The following TRIO variants were observed in gnomAD, a reference collection of about 807,000 sequenced individuals.
TRIO encodes trio Rho guanine nucleotide exchange factor.
TRIO carries 58 observed loss-of-function variants against 351.9 expected under a neutral mutation model. That is an observed-to-expected ratio of 0.16 (90% CI 0.13 to 0.21). The LOEUF (loss-of-function observed/expected upper bound fraction) is 0.21. Ranked by LOEUF, TRIO falls within the 10% of genes least tolerant of loss-of-function variation. The pLI is 1.00. For synonymous variants in TRIO, 1,758 were observed against 1,595.7 expected (o/e 1.10, Z -2.42); for missense variants, 3,201 against 4,027.8 (o/e 0.79, Z 5.56).
At chr5:14,361,117 AAACAC>A (rs1302520316) in intron 13 of TRIO, among the ~76,000 whole-genome samples, 1 of 152,228 alleles carries the variant, frequency 6.6e-6, no homozygotes, top group Non-Finnish European at 1.5e-5. Context: ...TTCAACTAGA[AAACAC>A]AAACCAACCA....
intron 34 of TRIO, among the ~76,000 whole-genome samples, chr5:14,434,376 C>A (rs991388959): frequency 6.6e-6 from 1 of 151,930 alleles, no homozygotes; most frequent in South Asian, 2.1e-4. Context: ...TTGTCTGATA[C>A]GTTTCTTTTT....
intron 6 of TRIO, among the ~76,000 whole-genome samples, chr5:14,295,477 G>GAC (rs1248958689): frequency 1.3e-5 from 2 of 152,210 alleles, no homozygotes; most frequent in African/African-American, 4.8e-5. Context: ...ATATAAAAGT[G>GAC]ACACAGGAAG....
In TRIO at chr5:14,487,663, C is replaced by T; in HGVS notation, c.7035C>T (p.Val2345=). ...GGCCCTCCCGGATCCCCCAGCCTGT[C>T]CGACACCACCCCCCCGTGCTGGTCT... ...RSRPSRIPQP[V]RHHPPVLVSS... is the part of the protein sequence containing the mutation. Residue 2345 remains valine, a synonymous_variant, in exon 48 of 57, where the codon GTC becomes GTT. Transcript: ENST00000344204. 1.5e-6 allele frequency: 2 copies of T among 1,370,582 alleles called. No homozygotes were observed. The highest frequency in any genetic ancestry group is 9.5e-7 in the Non-Finnish European group (1 of 1,050,366). The allele number at this position is 1,370,582 out of a possible 1,614,324, so 84.9% of individuals were successfully genotyped here.
chr5:14,359,541 C>T lies in TRIO; in HGVS notation c.2391+10C>T, dbSNP rs1579424378. On this transcript the variant is annotated intron_variant, in intron 13 of 56. Transcript: ENST00000344204. Reference sequence around the variant, plus strand: ...GAGGGACGCCATCGACGTGAGTGTCCCGCGGCTGGCGCCTGCCTGCCTGTG... The same window carrying T: ...GAGGGACGCCATCGACGTGAGTGTCTCGCGGCTGGCGCCTGCCTGCCTGTG... 3 of 1,610,534 alleles carry T rather than the reference C, an allele frequency of 1.9e-6. No homozygotes were observed. In the African/African-American group the frequency reaches 4.0e-5, roughly 21 times the overall value.
intron 1 of TRIO, among the ~76,000 whole-genome samples, chr5:14,163,728 A>G (rs928203824): frequency 7.2e-5 from 11 of 152,230 alleles, no homozygotes; most frequent in African/African-American, 2.7e-4. Context: ...CAAATTAACA[A>G]AATCATAATC....
At position 14,144,292 on chromosome 5, in the gene TRIO, G is replaced by T. The variant is rs191797394; in HGVS notation, c.157+410G>T. On this transcript the variant is annotated intron_variant, in intron 1 of 56. Transcript: ENST00000344204. ...AGGCTCTTACCCCGGAGGCCGAGCG[G>T]ACTGAGCCGGGGCCGGTCCGGGACG... 5.5e-3 allele frequency among the ~76,000 whole-genome samples: 831 copies of T among 152,266 alleles called. 5 individuals are homozygous for T. Among genetic ancestry groups the T allele is most frequent in the African/African-American group, 0.019 (786 of 41,544 alleles).
chr5:14,402,238 C>T (rs1204844257), intron 31 of TRIO, among the ~76,000 whole-genome samples: 1 of 152,178 alleles, frequency 6.6e-6, no homozygotes, highest in Non-Finnish European at 1.5e-5. Context: ...AGACTAGCTA[C>T]AGTAGTAGAT....
chr5:14,345,647 GTC>G (rs1742355449), intron 11 of TRIO, among the ~76,000 whole-genome samples: 1 of 152,128 alleles, frequency 6.6e-6, no homozygotes, highest in East Asian at 1.9e-4. Flanking sequence ...TGCAACCTCT[GTC>G]TCTCAGGTTC....
At chr5:14,372,378 G>T (rs1439763951) in intron 18 of TRIO, among the ~76,000 whole-genome samples, 1 of 152,076 alleles carries the variant, frequency 6.6e-6, no homozygotes, top group Non-Finnish European at 1.5e-5. Context: ...TCTGTGATTG[G>T]TAAGAAGATT....
chr5:14,214,259 G>T (rs752831002), intron 1 of TRIO, among the ~76,000 whole-genome samples: 1 of 152,200 alleles, frequency 6.6e-6, no homozygotes, highest in Non-Finnish European at 1.5e-5. Flanking sequence ...TCCATAAGCC[G>T]TGGTGTTCAT....
At chr5:14,157,859 A>G (rs1788209942) in intron 1 of TRIO, among the ~76,000 whole-genome samples, 1 of 152,102 alleles carries the variant, frequency 6.6e-6, no homozygotes, top group Non-Finnish European at 1.5e-5. Flanking sequence ...AAGGCTTGAG[A>G]TTATACACAG....
At chr5:14,375,208 T>C (rs924239533) in intron 19 of TRIO, among the ~76,000 whole-genome samples, 2 of 152,216 alleles carry the variant, frequency 1.3e-5, no homozygotes, top group Non-Finnish European at 2.9e-5. Context: ...TCTGGAAAAA[T>C]GTGCAACTCA....
intron 19 of TRIO, among the ~76,000 whole-genome samples, chr5:14,377,530 G>A (rs1017170210): frequency 3.9e-5 from 6 of 152,160 alleles, no homozygotes; most frequent in South Asian, 4.2e-4. Flanking sequence ...GATTACAGGC[G>A]TGAGCCACCG....
intron 11 of TRIO, among the ~76,000 whole-genome samples, chr5:14,341,403 A>G (rs527875268): frequency 1.3e-5 from 2 of 152,298 alleles, no homozygotes; most frequent in African/African-American, 4.8e-5. Context: ...CATTTTAGAC[A>G]TTTGTTTGTT....
chr5:14,160,409 C>T (rs980604972), intron 1 of TRIO, among the ~76,000 whole-genome samples: 15 of 152,136 alleles, frequency 9.9e-5, no homozygotes, highest in Middle Eastern at 3.2e-3. Context: ...ACGTTATGGA[C>T]ATTATTTAAT....
intron 1 of TRIO, among the ~76,000 whole-genome samples, chr5:14,229,346 T>C (rs950750472): frequency 1.3e-5 from 2 of 152,266 alleles, no homozygotes; most frequent in African/African-American, 4.8e-5. Context: ...ATGGCATGGC[T>C]GCCTTCCAGT....
chr5:14,330,358 C>T (rs1740795729), intron 9 of TRIO, among the ~76,000 whole-genome samples: 1 of 152,190 alleles, frequency 6.6e-6, no homozygotes. Context: ...TGTAGTTAAA[C>T]TTGAATTGCC....
chr5:14,153,821 CCTGGATTTTCAT>C (rs1473166086), intron 1 of TRIO, among the ~76,000 whole-genome samples: 3 of 152,176 alleles, frequency 2.0e-5, no homozygotes, highest in Non-Finnish European at 2.9e-5. Flanking sequence ...CCCACAGCCT[CCTGGATTTTCAT>C]TTTAAAATCC....
chr5:14,376,015 G>A (rs1366868309), intron 19 of TRIO, among the ~76,000 whole-genome samples: 2 of 152,070 alleles, frequency 1.3e-5, no homozygotes, highest in Non-Finnish European at 2.9e-5. Context: ...ACACCATATT[G>A]TCACCATAAG....
Sources: allele counts gnomAD v4.1 joint callset (sites outside exome capture counted in the v4.1 genomes callset), GRCh38; gene constraint gnomAD v4.1.1; transcripts MANE v1.5; gene names NCBI Gene and HGNC (gene_info 2026-07-23, HGNC 2026-07-21).